BMP2K: variants seen among roughly 807,000 people sequenced by gnomAD.
The protein encoded by BMP2K is BMP2 inducible kinase.
In BMP2K, 74 loss-of-function variants were observed where a neutral mutation model predicts 116.0. The observed-to-expected ratio is 0.64, with a 90% CI of 0.53 to 0.77. BMP2K has a LOEUF of 0.77. Ranked by LOEUF, BMP2K falls within the 30% of genes least tolerant of loss-of-function variation. The probability of loss-of-function intolerance (pLI) is 0.00; values close to 1 mark genes in which losing one functional copy is unlikely to be tolerated. For missense variants in BMP2K, 1,365 were observed against 1,403.6 expected, an observed-to-expected ratio of 0.97 and a Z score of 0.44; for synonymous variants, 486 against 502.5, an observed-to-expected ratio of 0.97 and a Z score of 0.44.
In BMP2K at chr4:78,844,959, A is replaced by G. The variant is rs1730929631; in HGVS notation, c.578A>G (p.Asn193Ser). ...VENILLNDGG[N>S]YVLCDFGSAT... ...AATATTTTGTTGAATGATGGTGGGA[A>G]CTATGTACTTTGTGACTTTGGCAGT... is the stretch of plus-strand genomic sequence containing the variant. Residue 193 changes from asparagine (N) to serine (S), a missense_variant, in exon 5 of 16, where the codon AAC becomes AGC. This residue lies in a region of BMP2K where 762 missense variants were observed against 756.7 expected (regional missense o/e 1.01). Coordinates refer to ENST00000502613, the MANE Select transcript of BMP2K (RefSeq NM_198892.2). The G allele has an allele frequency of 1.1e-5, 18 of 1,599,064 alleles. No homozygotes were observed. The highest frequency in any genetic ancestry group is 1.5e-5 in the Non-Finnish European group (18 of 1,167,696).
intron 13 of BMP2K, among the ~76,000 whole-genome samples, chr4:78,874,969 TG>T (rs1476845882): frequency 6.6e-6 from 1 of 152,222 alleles, no homozygotes; most frequent in East Asian, 1.9e-4. Flanking sequence ...AATATTGGGT[TG>T]CATATCTGGG....
intron 15 of BMP2K, among the ~76,000 whole-genome samples, chr4:78,893,830 G>T (rs1277551513): frequency 6.6e-6 from 1 of 152,214 alleles, no homozygotes; most frequent in Non-Finnish European, 1.5e-5. Context: ...CTCCAGAGTA[G>T]CTGGGATTAT....
intron 15 of BMP2K, among the ~76,000 whole-genome samples, chr4:78,890,403 C>T (rs1054246880): frequency 5.3e-5 from 7 of 132,928 alleles, no homozygotes; most frequent in Admixed American, 2.7e-4. Context: ...CACAATCATG[C>T]GCACACACAC....
intron 1 of BMP2K, among the ~76,000 whole-genome samples, chr4:78,819,647 A>G (rs143630722): frequency 1.3e-5 from 2 of 152,284 alleles, no homozygotes; most frequent in East Asian, 3.9e-4. Flanking sequence ...ACAATTAGTA[A>G]TGGTGGAGTT....
intron 1 of BMP2K, among the ~76,000 whole-genome samples, chr4:78,813,178 T>A (rs1430630811): frequency 6.6e-6 from 1 of 152,228 alleles, no homozygotes; most frequent in East Asian, 1.9e-4. Context: ...GCAGTTATTT[T>A]AAACTGTTTT....
chr4:78,892,173 C>A (rs1733475287), intron 15 of BMP2K, among the ~76,000 whole-genome samples: 1 of 151,922 alleles, frequency 6.6e-6, no homozygotes, highest in African/African-American at 2.4e-5. Flanking sequence ...GATTTTTTTC[C>A]TAAATATTTA....
intron 15 of BMP2K, among the ~76,000 whole-genome samples, chr4:78,903,833 T>G (rs185795736): frequency 9.2e-5 from 14 of 152,040 alleles, no homozygotes; most frequent in Non-Finnish European, 1.9e-4. Context: ...GTTTGTATTT[T>G]GTAGTGTGTT....
intron 3 of BMP2K, among the ~76,000 whole-genome samples, chr4:78,838,695 G>A (rs1034375520): frequency 6.6e-6 from 1 of 152,156 alleles, no homozygotes; most frequent in Non-Finnish European, 1.5e-5. Flanking sequence ...ACAGTTCAGG[G>A]ACATTGGCTT....
intron 1 of BMP2K, among the ~76,000 whole-genome samples, chr4:78,787,904 C>T (rs1727803342): frequency 6.6e-6 from 1 of 152,026 alleles, no homozygotes; most frequent in Admixed American, 6.6e-5. Context: ...GCTGTATTTA[C>T]TTATTTTGCT....
At chr4:78,910,034 T>C (rs79374120) in intron 15 of BMP2K, among the ~76,000 whole-genome samples, 10,323 of 152,218 alleles carry the variant, frequency 0.068, 471 homozygotes, top group East Asian at 0.21. Context: ...GGCAGATGTT[T>C]TTGGTACAGT....
At position 78,844,799 on chromosome 4, in the gene BMP2K, C is replaced by G. The variant is rs1730919148; in HGVS notation, c.547-129C>G. The G allele has an allele frequency of 5.5e-6, 4 of 731,604 alleles. No individual in the cohort carries two copies. In the Admixed American group the frequency reaches 1.0e-4, roughly 19 times the overall value. 45.3% of individuals were successfully genotyped at this position (731,604 alleles called of 1,614,324 possible). A position where few individuals can be genotyped will look rare whatever the true frequency, so the allele number is the denominator to read the frequency against. On this transcript the variant is annotated intron_variant, in intron 4 of 15. Coordinates refer to ENST00000502613, the MANE Select transcript of BMP2K (RefSeq NM_198892.2). The stretch of plus-strand genomic sequence containing the variant: ...CATGTATACTTATTTTTGTATATGG[C>G]ATATACCCTTCGGTGTTTATTGTGT...
At chr4:78,892,367 C>T (rs963525526) in intron 15 of BMP2K, among the ~76,000 whole-genome samples, 7 of 151,894 alleles carry the variant, frequency 4.6e-5, no homozygotes, top group African/African-American at 1.2e-4. Context: ...GTTTTATTGA[C>T]GTGAAGTTTT....
intron 1 of BMP2K, among the ~76,000 whole-genome samples, chr4:78,814,214 G>T (rs1251667353): frequency 1.3e-5 from 2 of 152,138 alleles, no homozygotes; most frequent in Admixed American, 6.6e-5. Context: ...GTTAAAAATG[G>T]CATTTTCTTT....
intron 7 of BMP2K, among the ~76,000 whole-genome samples, chr4:78,853,670 C>A (rs1282508274): frequency 6.6e-6 from 1 of 152,126 alleles, no homozygotes; most frequent in Admixed American, 6.6e-5. Flanking sequence ...AGCCAAACAG[C>A]CTTGGATTGC....
At chr4:78,817,590 C>T (rs924838835) in intron 1 of BMP2K, among the ~76,000 whole-genome samples, 1 of 152,168 alleles carries the variant, frequency 6.6e-6, no homozygotes, top group Non-Finnish European at 1.5e-5. Flanking sequence ...CCTATGTTCA[C>T]CAACCAGGAA....
Position 78,911,597 on chromosome 4 carries a change from G to C in BMP2K, c.3050G>C (p.Arg1017Thr). The C allele has an allele frequency of 1.9e-6, 3 of 1,613,868 alleles. No homozygotes were observed. The highest frequency in any genetic ancestry group is 1.7e-6 in the Non-Finnish European group (2 of 1,179,898). ...TLKPTYRTPE[R>T]ARRHKKVGRR... Reference sequence around the variant, plus strand: ...AAGCCTACCTATCGCACTCCAGAGAGGGCTCGCAGGCACAAAAAAGTGGGC... The same window carrying C: ...AAGCCTACCTATCGCACTCCAGAGACGGCTCGCAGGCACAAAAAAGTGGGC... The change falls in exon 16 of 16, where the codon AGG becomes ACG. Residue 1017 changes from arginine (R) to threonine (T), a missense_variant. By Grantham distance (71) the Arg-to-Thr change is moderately conservative. This residue lies in a region of BMP2K where 596 missense variants were observed against 623.2 expected (regional missense o/e 0.96). Transcript: ENST00000502613.
chr4:78,827,384 T>A (rs1363497056), intron 2 of BMP2K, among the ~76,000 whole-genome samples: 1 of 152,176 alleles, frequency 6.6e-6, no homozygotes, highest in Non-Finnish European at 1.5e-5. Context: ...CCAGCTATGT[T>A]CAGGGTCTTC....
chr4:78,902,165 T>A (rs1049830740), intron 15 of BMP2K, among the ~76,000 whole-genome samples: 12 of 152,112 alleles, frequency 7.9e-5, no homozygotes, highest in African/African-American at 2.7e-4. Context: ...ATACATAGAG[T>A]AGAAAATGAG....
At chr4:78,800,047 C>T (rs1728493153) in intron 1 of BMP2K, among the ~76,000 whole-genome samples, 2 of 152,176 alleles carry the variant, frequency 1.3e-5, no homozygotes, top group Non-Finnish European at 2.9e-5. Flanking sequence ...CAAACTTTTA[C>T]TCTTTCAATT....
Sources: allele counts gnomAD v4.1 joint callset (sites outside exome capture counted in the v4.1 genomes callset), GRCh38; gene constraint gnomAD v4.1.1; regional missense constraint gnomAD v4.1.1; transcripts MANE v1.5; gene names NCBI Gene and HGNC (gene_info 2026-07-23, HGNC 2026-07-21).